AFDN: variants seen among roughly 807,000 people sequenced by gnomAD.
AFDN encodes the protein afadin, adherens junction formation factor, also known as afadin.
A neutral mutation model predicts 216.6 loss-of-function variants in AFDN; 68 were observed. That is an observed-to-expected ratio of 0.31 (90% CI 0.26 to 0.38). AFDN has a LOEUF of 0.38. Ranked by LOEUF, AFDN falls within the 10% of genes least tolerant of loss-of-function variation. AFDN has a pLI of 1.00. For missense variants in AFDN, 2,136 were observed against 2,342.0 expected (o/e 0.91, Z 1.82); for synonymous variants, 868 against 853.7 (o/e 1.02, Z -0.29).
At chr6:167,889,133 A>G in intron 6 of AFDN, 82 bp from the exon 7 acceptor site, 1 of 862,742 alleles carries the variant, frequency 1.2e-6, no homozygotes, top group Non-Finnish European at 1.9e-6. Flanking sequence ...TATTCATTCA[A>G]AAGCAATAAA....
Position 167,971,330 on chromosome 6 carries a change from A to G in AFDN, c.*1395A>G, listed in dbSNP as rs1310937723. 1 of 215,550 alleles carries G rather than the reference A, an allele frequency of 4.6e-6. No individual in the cohort carries two copies. The highest frequency in any genetic ancestry group is 7.0e-5 in the East Asian group (1 of 14,298). 13.4% of individuals were successfully genotyped at this position (215,550 alleles called of 1,614,324 possible). A position where few individuals can be genotyped will look rare whatever the true frequency, so the allele number is the denominator to read the frequency against. ...GTTCTCTTACATATGTTAGGAAAAT[A>G]GGCACACTTTCAAAGAGAGGTATAG... On this transcript the variant is annotated 3_prime_UTR_variant, in exon 34 of 34. Transcript: ENST00000683244.
Position 167,962,691 on chromosome 6 carries a change from C to T in AFDN, c.4968+124C>T. ...AAGCACGAGGCAGAGCAGGGCCTGG[C>T]TCCCCCAGCTTTGTGATTGGACCTG... On this transcript the variant is annotated intron_variant, in intron 31 of 33. Transcript: ENST00000683244. This position sits in a 1 kb window ranked among gnomAD's most constrained non-coding sequence, Gnocchi z 5.2. The T allele has an allele frequency of 3.9e-6, 6 of 1,551,046 alleles. No individual in the cohort carries two copies. Among genetic ancestry groups the T allele is most frequent in the Non-Finnish European group, 5.2e-6 (6 of 1,148,234 alleles).
Position 167,890,843 on chromosome 6 carries a change from T to A in AFDN, c.1010-19T>A. The A allele has an allele frequency of 6.2e-7, 1 of 1,609,714 alleles. No individual in the cohort carries two copies. The highest frequency in any genetic ancestry group is 8.5e-7 in the Non-Finnish European group (1 of 1,178,040). On this transcript the variant is annotated intron_variant, in intron 7 of 33. Coordinates refer to ENST00000683244, the MANE Select transcript of AFDN (RefSeq NM_001386888.1). The stretch of plus-strand genomic sequence containing the variant: ...ACCAACCTGAGTCTGCCTGATGATT[T>A]CCCATGCTGCTGTTCTAGGGATTTT...
Position 167,915,283 on chromosome 6 carries a change from G to A in AFDN, c.2415G>A (p.Leu805=). ...SQLFHFINMW[L]FNRLVTDPDS... is the part of the protein sequence containing the mutation. Reference sequence around the variant, plus strand: ...TCTTCCACTTCATCAATATGTGGCTGTTCAATAGATTGGTGACCGACCCAG... The same window carrying A: ...TCTTCCACTTCATCAATATGTGGCTATTCAATAGATTGGTGACCGACCCAG... Residue 805 remains leucine (L), a synonymous_variant, in exon 19 of 34, where the codon CTG becomes CTA. Coordinates refer to ENST00000683244, the MANE Select transcript of AFDN (RefSeq NM_001386888.1). 1.2e-6 allele frequency: 2 copies of A among 1,614,238 alleles called. No homozygotes were observed. The highest frequency in any genetic ancestry group is 8.5e-7 in the Non-Finnish European group (1 of 1,180,044).
At chr6:167,943,361 C>G (rs1387340315) in intron 24 of AFDN, 41 bp from the exon 25 acceptor site, 2 of 1,586,206 alleles carry the variant, frequency 1.3e-6, no homozygotes, top group Admixed American at 1.7e-5. Context: ...TCTCTTTGCT[C>G]TCTACCCCTA....
intron 1 of AFDN, among the ~76,000 whole-genome samples, chr6:167,837,966 T>A (rs1051937303): frequency 2.6e-5 from 4 of 152,238 alleles, no homozygotes; most frequent in Non-Finnish European, 5.9e-5. Flanking sequence ...CATATACTTA[T>A]GTGCATATAT....
chr6:167,889,028 C>G (rs1787230565), intron 6 of AFDN, among the ~76,000 whole-genome samples, 187 bp from the exon 7 acceptor site: 1 of 151,850 alleles, frequency 6.6e-6, no homozygotes, highest in African/African-American at 2.4e-5. Flanking sequence ...GCTGGCTTAG[C>G]TTTTTATTAT....
At chr6:167,834,277 C>T (rs147772851) in intron 1 of AFDN, among the ~76,000 whole-genome samples, 7 of 152,090 alleles carry the variant, frequency 4.6e-5, no homozygotes, top group Non-Finnish European at 7.4e-5. Context: ...CCCGAGTCCC[C>T]GAAGTCCATT....
intron 1 of AFDN, among the ~76,000 whole-genome samples, chr6:167,860,157 T>G (rs1310077913): frequency 1.7e-5 from 2 of 116,054 alleles, no homozygotes; most frequent in African/African-American, 7.1e-5. Context: ...CCTACAGCAA[T>G]GCTTTTTTTT....
intron 23 of AFDN, among the ~76,000 whole-genome samples, chr6:167,926,942 T>A (rs1355885162): frequency 6.6e-6 from 1 of 152,188 alleles, no homozygotes; most frequent in Non-Finnish European, 1.5e-5. Flanking sequence ...ACAATTTTTT[T>A]TTACCGAGTG....
chr6:167,953,482 T>TA (rs991391379), intron 30 of AFDN, among the ~76,000 whole-genome samples: 14 of 152,176 alleles, frequency 9.2e-5, no homozygotes, highest in Non-Finnish European at 1.6e-4. Flanking sequence ...TGAATCCCCT[T>TA]AGACACTTAA....
chr6:167,965,726 C>A (rs762549943), intron 31 of AFDN, 31 bp from the exon 32 acceptor site: 33 of 1,501,306 alleles, frequency 2.2e-5, no homozygotes, highest in Non-Finnish European at 2.9e-5. Flanking sequence ...TCACCTCTGA[C>A]CTTTGCACTC....
intron 22 of AFDN, among the ~76,000 whole-genome samples, chr6:167,924,070 T>A (rs773691595): frequency 1.3e-5 from 2 of 152,118 alleles, no homozygotes; most frequent in Non-Finnish European, 2.9e-5. Context: ...ATTCTAAGAT[T>A]CCTCAGGAGA....
At chr6:167,859,582 A>G (rs1783302353) in intron 1 of AFDN, among the ~76,000 whole-genome samples, 1 of 152,192 alleles carries the variant, frequency 6.6e-6, no homozygotes, top group East Asian at 1.9e-4. Context: ...AGTTTTAGAA[A>G]GAATGATTCT....
chr6:167,829,143 C>G (rs910768273), intron 1 of AFDN, among the ~76,000 whole-genome samples: 1 of 152,062 alleles, frequency 6.6e-6, no homozygotes, highest in Non-Finnish European at 1.5e-5. Flanking sequence ...TGAACATTTC[C>G]ATTTTTAGAA....
chr6:167,939,218 G>A (rs1794386421), intron 23 of AFDN, among the ~76,000 whole-genome samples: 1 of 152,078 alleles, frequency 6.6e-6, no homozygotes, highest in African/African-American at 2.4e-5. Flanking sequence ...ATAATAATTG[G>A]TTATCTTAGT....
chr6:167,933,302 TTTAAAATC>T (rs1413552308), intron 23 of AFDN, among the ~76,000 whole-genome samples: 2 of 152,356 alleles, frequency 1.3e-5, no homozygotes, highest in South Asian at 2.1e-4. Flanking sequence ...GATTTAAAGT[TTTAAAATC>T]TTAAAATCTT....
chr6:167,911,885 T>A, intron 15 of AFDN: 1 of 238,752 alleles, frequency 4.2e-6, no homozygotes. Context: ...CCCTGTCGGT[T>A]CCAAAACGTC....
chr6:167,928,892 T>C (rs1262840439), intron 23 of AFDN, among the ~76,000 whole-genome samples: 1 of 152,230 alleles, frequency 6.6e-6, no homozygotes, highest in Admixed American at 6.5e-5. Flanking sequence ...AAACACAGCC[T>C]TCTCTCTGTA....
Sources: gnomAD v4.1 joint callset for allele counts (sites outside exome capture counted in the v4.1 genomes callset) on GRCh38, gnomAD v4.1.1 for gene constraint, Gnocchi (gnomAD v3.1) non-coding constraint, MANE v1.5 for transcripts, NCBI Gene and HGNC (gene_info 2026-07-23, HGNC 2026-07-21) for gene names.